Variants in MOB1A observed in about 807,000 individuals in gnomAD.
MOB1A encodes the protein MOB kinase activator 1A.
Under a neutral mutation model 25.1 loss-of-function variants are expected in MOB1A, and 10 were observed. The ratio of observed to expected loss-of-function variants is 0.40; its 90% CI spans 0.25 to 0.68. The LOEUF is 0.68. MOB1A is among the 30% of genes least tolerant of loss of function. The pLI is 0.40. For missense variants in MOB1A, 177 were observed against 256.3 expected, an observed-to-expected ratio of 0.69 and a Z score of 2.11; for synonymous variants, 81 against 79.5, an observed-to-expected ratio of 1.02 and a Z score of -0.10.
chr2:74,172,161 A>C (rs995354058), intron 2 of MOB1A, among the ~76,000 whole-genome samples: 25 of 152,108 alleles, frequency 1.6e-4, no homozygotes, highest in African/African-American at 6.0e-4. Flanking sequence ...CTGCCACTCT[A>C]AGTCACAACA....
chr2:74,171,394 T>C (rs1572964340), intron 2 of MOB1A, among the ~76,000 whole-genome samples: 1 of 152,180 alleles, frequency 6.6e-6, no homozygotes, highest in Non-Finnish European at 1.5e-5. Flanking sequence ...GAGGATGGCA[T>C]TGTCATTATC....
chr2:74,155,123 T>C lies in MOB1A; in HGVS notation c.*1445A>G, dbSNP rs1692767340. On this transcript the variant is annotated 3_prime_UTR_variant, in exon 6 of 6. Coordinates refer to ENST00000396049, the MANE Select transcript of MOB1A (RefSeq NM_018221.5). The stretch of plus-strand genomic sequence containing the variant: ...GCAAAAATCACAGCTCTGAACCACA[T>C]AGAATGCTGATGAACTTAAAGCTTT... 2 of 152,320 alleles carry C rather than the reference T, an allele frequency of 1.3e-5. No individual in the cohort carries two copies. Among genetic ancestry groups the C allele is most frequent in the South Asian group, 2.1e-4 (1 of 4,832 alleles). 9.4% of individuals were successfully genotyped at this position (152,320 alleles called of 1,614,324 possible).
chr2:74,166,917 C>A, intron 3 of MOB1A, 97 bp downstream of exon 3: 1 of 865,466 alleles, frequency 1.2e-6, no homozygotes, highest in Non-Finnish European at 1.9e-6. Flanking sequence ...GAATCACCTT[C>A]ACACAAACGG....
In MOB1A at chr2:74,162,469, G is replaced by A. The variant is rs530351881; in HGVS notation, c.409+2749C>T. Among the ~76,000 whole-genome samples, 165 of 152,246 alleles carry A rather than the reference G, an allele frequency of 1.1e-3. 1 individual carries two copies. Among genetic ancestry groups the A allele is most frequent in the African/African-American group, 3.8e-3 (158 of 41,544 alleles). On this transcript the variant is annotated intron_variant, in intron 4 of 5. Transcript: ENST00000396049. ...TGCCCTCCAGCCTGGGTGACAGAGT[G>A]AGACCCTGTCTCCAAACAAAAAAGA...
At position 74,178,819 on chromosome 2, in the gene MOB1A, C is replaced by G. The variant is rs1336851433; in HGVS notation, c.-145G>C. The G allele has an allele frequency of 2.3e-6, 1 of 431,724 alleles. No homozygotes were observed. The highest frequency in any genetic ancestry group is 3.7e-6 in the Non-Finnish European group (1 of 267,134). 26.7% of individuals were successfully genotyped at this position (431,724 alleles called of 1,614,324 possible). A position where few individuals can be genotyped will look rare whatever the true frequency, so the allele number is the denominator to read the frequency against. On this transcript the variant is annotated 5_prime_UTR_variant, in exon 1 of 6. Transcript: ENST00000396049. ...CTCGGAGCCGGGTTTCTGGCCGCTGCGAGCCTTTGCAAACCTCGGCGCCCG... is the reference window on the plus strand; with the variant it reads ...CTCGGAGCCGGGTTTCTGGCCGCTGGGAGCCTTTGCAAACCTCGGCGCCCG...
At chr2:74,162,502 G>A (rs916876774) in intron 4 of MOB1A, among the ~76,000 whole-genome samples, 3 of 152,018 alleles carry the variant, frequency 2.0e-5, no homozygotes, top group African/African-American at 7.2e-5. Context: ...AGAGAGAAAA[G>A]AGGATAAATC....
At chr2:74,167,327 C>G (rs1693159433) in intron 2 of MOB1A, among the ~76,000 whole-genome samples, 1 of 152,110 alleles carries the variant, frequency 6.6e-6, no homozygotes, top group Admixed American at 6.5e-5. Flanking sequence ...CTCACTGCAA[C>G]CTCCGCTTCC....
chr2:74,175,220 A>T (rs1292129407), intron 1 of MOB1A, among the ~76,000 whole-genome samples: 1 of 151,964 alleles, frequency 6.6e-6, no homozygotes, highest in Non-Finnish European at 1.5e-5. Flanking sequence ...ATGATCTGTC[A>T]CTCTCTCCCA....
intron 4 of MOB1A, among the ~76,000 whole-genome samples, chr2:74,163,108 TAAG>T (rs1158366145): frequency 6.6e-6 from 1 of 152,198 alleles, no homozygotes; most frequent in Non-Finnish European, 1.5e-5. Context: ...TGCATAATAG[TAAG>T]AAGGCAAGAA....
At chr2:74,160,278 C>T (rs1008904755) in intron 4 of MOB1A, among the ~76,000 whole-genome samples, 1 of 152,098 alleles carries the variant, frequency 6.6e-6, no homozygotes, top group East Asian at 1.9e-4. Context: ...GCTCATAAGC[C>T]TGAGTTCAAG....
intron 5 of MOB1A, 71 bp downstream of exon 5, chr2:74,159,020 C>A: frequency 6.8e-7 from 1 of 1,465,826 alleles, no homozygotes. Context: ...AGACACACAG[C>A]TCTTTGTTGA....
At chr2:74,161,276 G>A (rs187914009) in intron 4 of MOB1A, among the ~76,000 whole-genome samples, 42 of 152,150 alleles carry the variant, frequency 2.8e-4, no homozygotes, top group East Asian at 1.2e-3. Context: ...CCTCATTAAC[G>A]TGACTTTTCA....
At chr2:74,159,353 G>A (rs546878838) in intron 4 of MOB1A, 99 bp from the exon 5 acceptor site, 2 of 1,066,976 alleles carry the variant, frequency 1.9e-6, no homozygotes, top group Admixed American at 2.2e-5. Flanking sequence ...AGGCAGTGGT[G>A]CAATCTCAGC....
chr2:74,174,376 T>C (rs1693392030), intron 1 of MOB1A, among the ~76,000 whole-genome samples: 3 of 152,080 alleles, frequency 2.0e-5, no homozygotes, highest in South Asian at 4.2e-4. Flanking sequence ...CAGGAGGATT[T>C]CTTGAGCCCA....
chr2:74,168,222 T>C (rs1693186202), intron 2 of MOB1A, among the ~76,000 whole-genome samples: 1 of 152,150 alleles, frequency 6.6e-6, no homozygotes, highest in Non-Finnish European at 1.5e-5. Flanking sequence ...GGCAAAGTCA[T>C]GAAGAGTTGG....
At position 74,154,837 on chromosome 2, in the gene MOB1A, G is replaced by A. The variant is rs931269324; in HGVS notation, c.*1731C>T. 6.6e-6 allele frequency: 1 copy of A among 152,090 alleles called. No individual in the cohort carries two copies. The highest frequency in any genetic ancestry group is 2.4e-5 in the African/African-American group (1 of 41,412). 9.4% of individuals were successfully genotyped at this position (152,090 alleles called of 1,614,324 possible). A position where few individuals can be genotyped will look rare whatever the true frequency, so the allele number is the denominator to read the frequency against. Reference sequence around the variant, plus strand: ...AACATGGATTGTGGAATGTCTAATAGAGGGCTTTTCTCTCTTTTTTTTAAT... The same window carrying A: ...AACATGGATTGTGGAATGTCTAATAAAGGGCTTTTCTCTCTTTTTTTTAAT... On this transcript the variant is annotated 3_prime_UTR_variant, in exon 6 of 6. Transcript: ENST00000396049.
intron 4 of MOB1A, among the ~76,000 whole-genome samples, chr2:74,160,880 G>A (rs1297628323): frequency 6.6e-6 from 1 of 152,030 alleles, no homozygotes; most frequent in Non-Finnish European, 1.5e-5. Context: ...CCAACATGGT[G>A]AAACCCTGTC....
chr2:74,172,097 T>G (rs1693310285), intron 2 of MOB1A, among the ~76,000 whole-genome samples: 1 of 152,204 alleles, frequency 6.6e-6, no homozygotes, highest in African/African-American at 2.4e-5. Context: ...CTCTTGAACT[T>G]AAAGTGACTT....
chr2:74,178,082 T>C (rs757485151), intron 1 of MOB1A: 1 of 152,254 alleles, frequency 6.6e-6, no homozygotes, highest in Non-Finnish European at 1.5e-5. Context: ...CTGTATGGTA[T>C]ATTACATAAT....
Sources: allele counts gnomAD v4.1 joint callset (sites outside exome capture counted in the v4.1 genomes callset), GRCh38; gene constraint gnomAD v4.1.1; transcripts MANE v1.5; gene names NCBI Gene and HGNC (gene_info 2026-07-23, HGNC 2026-07-21).